The following FAM81A variants were observed in gnomAD, a reference collection of about 807,000 sequenced individuals.
FAM81A encodes protein FAM81A.
Under a neutral mutation model 46.7 loss-of-function variants are expected in FAM81A, and 19 were observed. The ratio of observed to expected loss-of-function variants is 0.41; its 90% CI spans 0.28 to 0.60. The LOEUF (loss-of-function observed/expected upper bound fraction) is 0.60, where lower values mean the gene tolerates loss of function less well. Ranked by LOEUF, FAM81A falls within the 20% of genes least tolerant of loss-of-function variation. FAM81A has a pLI of 0.34. For missense variants in FAM81A, 377 were observed against 453.5 expected (o/e 0.83, Z 1.53); for synonymous variants, 183 against 152.9 (o/e 1.20, Z -1.45).
rs1048137465 is a variant in FAM81A, at chr15:59,500,128, C to T, written c.414-7085C>T. On this transcript the variant is annotated intron_variant, in intron 4 of 8. Transcript: ENST00000288228. Reference sequence around the variant, plus strand: ...TCAGCTTCCCAAAGTGCTGGGATTACAGGCGTGAGCCACCATGCCCGGCCA... The same window carrying T: ...TCAGCTTCCCAAAGTGCTGGGATTATAGGCGTGAGCCACCATGCCCGGCCA... 3.9e-4 allele frequency among the ~76,000 whole-genome samples: 59 copies of T among 152,102 alleles called. 3 individuals are homozygous for T. Among genetic ancestry groups the T allele is most frequent in the Non-Finnish European group, 2.4e-4 (16 of 68,008 alleles).
chr15:59,454,805 T>G (rs1292701436), intron 1 of FAM81A, among the ~76,000 whole-genome samples: 2 of 152,024 alleles, frequency 1.3e-5, no homozygotes, highest in Non-Finnish European at 2.9e-5. Flanking sequence ...TTTTTTATTT[T>G]TTTTTACTTT....
chr15:59,402,285 A>G (rs554515117), exon 2 of FAM81A: 1 of 157,060 alleles, frequency 6.4e-6, no homozygotes, highest in African/African-American at 2.4e-5. Context: ...GATCCAGAAC[A>G]TTTCTGCCTT....
chr15:59,513,481 G>A (rs567657591), intron 6 of FAM81A, among the ~76,000 whole-genome samples: 4 of 152,248 alleles, frequency 2.6e-5, no homozygotes, highest in East Asian at 1.9e-4. Context: ...CCTGTGCCGC[G>A]TACTCCTCGT....
intron 3 of FAM81A, among the ~76,000 whole-genome samples, chr15:59,467,260 T>C (rs1365353169): frequency 1.3e-5 from 2 of 152,216 alleles, no homozygotes; most frequent in Non-Finnish European, 2.9e-5. Context: ...ATTGGTAGCT[T>C]GATGGGGATG....
At chr15:59,424,257 C>T (rs1235695865) in intron 2 of FAM81A, among the ~76,000 whole-genome samples, 2 of 152,202 alleles carry the variant, frequency 1.3e-5, no homozygotes, top group Non-Finnish European at 2.9e-5. Context: ...CCACACTCTC[C>T]TGGTTTTCTT....
chr15:59,414,163 A>G (rs1394083505), intron 2 of FAM81A, among the ~76,000 whole-genome samples: 1 of 152,112 alleles, frequency 6.6e-6, no homozygotes, highest in Non-Finnish European at 1.5e-5. Flanking sequence ...CATGTTGGCC[A>G]GGCTCATCTT....
intron 3 of FAM81A, among the ~76,000 whole-genome samples, chr15:59,484,876 G>A (rs2081898510): frequency 6.6e-6 from 1 of 152,148 alleles, no homozygotes; most frequent in Admixed American, 6.5e-5. Flanking sequence ...ATGTACCCTG[G>A]GCTAAAGGCG....
At chr15:59,520,093 T>C (rs569745982) in intron 8 of FAM81A, among the ~76,000 whole-genome samples, 1 of 69,472 alleles carries the variant, frequency 1.4e-5, no homozygotes, top group South Asian at 4.7e-4. Flanking sequence ...ATGAGATTTT[T>C]TTGTGATTTT....
intron 4 of FAM81A, among the ~76,000 whole-genome samples, chr15:59,502,598 C>G (rs1296330778): frequency 2.0e-5 from 3 of 151,878 alleles, no homozygotes; most frequent in African/African-American, 4.8e-5. Flanking sequence ...ACTGCAATCT[C>G]TGCCTCCTGG....
chr15:59,437,935 G>T (rs1437337932), upstream of FAM81A, among the ~76,000 whole-genome samples: 1 of 152,012 alleles, frequency 6.6e-6, no homozygotes, highest in African/African-American at 2.4e-5. Context: ...CAGCAGCGAC[G>T]AGCAGAGGCT....
intron 2 of FAM81A, among the ~76,000 whole-genome samples, chr15:59,419,319 A>G (rs1229778531): frequency 6.6e-6 from 1 of 152,246 alleles, no homozygotes; most frequent in Non-Finnish European, 1.5e-5. Flanking sequence ...GGAAGATACA[A>G]TAAGAGATAT....
At chr15:59,489,120 C>T (rs1366366028) in intron 3 of FAM81A, among the ~76,000 whole-genome samples, 1 of 152,004 alleles carries the variant, frequency 6.6e-6, no homozygotes, top group African/African-American at 2.4e-5. Context: ...AAAAAATTAG[C>T]CGGGCATAGT....
At position 59,406,968 on chromosome 15, in the gene FAM81A, C is replaced by T. The variant is rs72749140; in HGVS notation, c.-78+4610C>T. ...AAAACTCAACAGCGTACATTTAACCCAGTTTGGTGGCAAGTTCTTTAGCCT... is the reference window on the plus strand; with the variant it reads ...AAAACTCAACAGCGTACATTTAACCTAGTTTGGTGGCAAGTTCTTTAGCCT... On this transcript the variant is annotated intron_variant, in intron 2 of 4. Coordinates refer to the FAM81A transcript ENST00000558348. 1,259 of 160,086 alleles carry T rather than the reference C, an allele frequency of 7.9e-3. 7 individuals are homozygous for T. The highest frequency in any genetic ancestry group is 0.013 in the Non-Finnish European group (905 of 71,378). 9.9% of individuals were successfully genotyped at this position (160,086 alleles called of 1,614,324 possible). A position where few individuals can be genotyped will look rare whatever the true frequency, so the allele number is the denominator to read the frequency against.
At chr15:59,403,383 C>T (rs1596457448) in intron 2 of FAM81A, among the ~76,000 whole-genome samples, 3 of 152,140 alleles carry the variant, frequency 2.0e-5, no homozygotes, top group Admixed American at 2.0e-4. Flanking sequence ...CATCCGAGCT[C>T]CCCCAACTCC....
chr15:59,416,622 A>C (rs1366103321), intron 2 of FAM81A, among the ~76,000 whole-genome samples: 3 of 152,080 alleles, frequency 2.0e-5, no homozygotes, highest in Non-Finnish European at 4.4e-5. Flanking sequence ...AATCCCTCCT[A>C]AGATTTACTG....
intron 2 of FAM81A, among the ~76,000 whole-genome samples, chr15:59,425,999 A>T (rs574942710): frequency 2.0e-5 from 3 of 152,230 alleles, no homozygotes; most frequent in African/African-American, 7.2e-5. Flanking sequence ...TTATTAAAAT[A>T]TATTTGGAAC....
chr15:59,502,245 A>G (rs920161331), intron 4 of FAM81A, among the ~76,000 whole-genome samples: 1 of 150,656 alleles, frequency 6.6e-6, no homozygotes, highest in Non-Finnish European at 1.5e-5. Flanking sequence ...GGTTAGTTAC[A>G]TATGTATACA....
intron 1 of FAM81A, among the ~76,000 whole-genome samples, chr15:59,451,360 A>C (rs765836126): frequency 1.3e-5 from 2 of 152,152 alleles, no homozygotes; most frequent in Non-Finnish European, 2.9e-5. Flanking sequence ...CTTTACGGCT[A>C]ATGTCACTGG....
chr15:59,491,616 A>G (rs1254840092), intron 3 of FAM81A, among the ~76,000 whole-genome samples: 1 of 152,202 alleles, frequency 6.6e-6, no homozygotes, highest in East Asian at 1.9e-4. Context: ...GAGGTGAGGG[A>G]TACCTCATTC....
Sources: allele counts gnomAD v4.1 joint callset (sites outside exome capture counted in the v4.1 genomes callset), GRCh38; gene constraint gnomAD v4.1.1; transcripts MANE v1.5; gene names NCBI Gene and HGNC (gene_info 2026-07-23, HGNC 2026-07-21).